Variants in PLXNA2 observed in about 807,000 individuals in gnomAD.
The protein encoded by PLXNA2 is plexin-A2.
Under a neutral mutation model 193.5 loss-of-function variants are expected in PLXNA2, and 91 were observed. The observed-to-expected ratio is 0.47, with a 90% confidence interval of 0.40 to 0.56. PLXNA2 has a LOEUF of 0.56. Ranked by LOEUF, PLXNA2 falls within the 20% of genes least tolerant of loss-of-function variation. PLXNA2 has a pLI of 0.00. For missense variants in PLXNA2, 1,995 were observed against 2,503.2 expected (o/e 0.80, Z 4.33); for synonymous variants, 997 against 1,027.3 (o/e 0.97, Z 0.56).
intron 3 of PLXNA2, among the ~76,000 whole-genome samples, chr1:208,193,916 A>G (rs1329098852): frequency 6.6e-6 from 1 of 152,152 alleles, no homozygotes; most frequent in Non-Finnish European, 1.5e-5. Context: ...TTTTAAATGT[A>G]AAATAAATAA....
At chr1:208,095,921 G>A (rs1666869511) in intron 8 of PLXNA2, 108 bp downstream of exon 8, 1 of 807,352 alleles carries the variant, frequency 1.2e-6, no homozygotes, top group Non-Finnish European at 2.1e-6. Context: ...GGGAAACTGT[G>A]AGGTGACTAC....
At chr1:208,081,098 G>A (rs1212095944) in intron 11 of PLXNA2, among the ~76,000 whole-genome samples, 2 of 152,206 alleles carry the variant, frequency 1.3e-5, no homozygotes, top group Non-Finnish European at 2.9e-5. Context: ...GCAACAGCTC[G>A]GATGTGGCTG....
At chr1:208,165,499 G>A (rs1376879894) in intron 3 of PLXNA2, among the ~76,000 whole-genome samples, 1 of 152,142 alleles carries the variant, frequency 6.6e-6, no homozygotes, top group Non-Finnish European at 1.5e-5. Flanking sequence ...GCTTTCTGAT[G>A]TCCTCTCTAG....
At chr1:208,095,875 A>G (rs1571910118) in intron 8 of PLXNA2, among the ~76,000 whole-genome samples, 154 bp downstream of exon 8, 1 of 152,210 alleles carries the variant, frequency 6.6e-6, no homozygotes, top group Non-Finnish European at 1.5e-5. Context: ...ATTTATGTAC[A>G]GTGTACTCTG....
chr1:208,031,820 T>C (rs1407425874), intron 28 of PLXNA2, 61 bp from the exon 29 acceptor site: 39 of 1,396,250 alleles, frequency 2.8e-5, no homozygotes, highest in Non-Finnish European at 3.7e-5. Flanking sequence ...CAGACAGGCA[T>C]ACCAGATGGT....
In PLXNA2 at chr1:208,103,143, TTACATG is replaced by T; in HGVS notation, c.1605_1607+3del. On this transcript the variant is annotated splice_donor_variant and splice_donor_region_variant and coding_sequence_variant and intron_variant, in exon 5 of 32. Coordinates refer to ENST00000367033, the MANE Select transcript of PLXNA2 (RefSeq NM_025179.4). LOFTEE classifies it high-confidence loss of function. ...AACCCTTTTCCAGTATACCCCAAAC[TTACATG>T]TTGTGCAGGGCACACCAGCCACAGT... 6.2e-7 allele frequency: 1 copy of T among 1,611,278 alleles called. No homozygotes were observed. The highest frequency in any genetic ancestry group is 8.5e-7 in the Non-Finnish European group (1 of 1,177,608).
intron 13 of PLXNA2, among the ~76,000 whole-genome samples, chr1:208,058,922 C>A (rs1665527473): frequency 6.6e-6 from 1 of 152,180 alleles, no homozygotes; most frequent in African/African-American, 2.4e-5. Flanking sequence ...GGAGGCAGGT[C>A]TAAAACACGG....
At chr1:208,144,697 G>C (rs1668555108) in intron 3 of PLXNA2, among the ~76,000 whole-genome samples, 1 of 152,148 alleles carries the variant, frequency 6.6e-6, no homozygotes, top group African/African-American at 2.4e-5. Context: ...ACCCATTCCT[G>C]TGCCTCATCA....
intron 3 of PLXNA2, among the ~76,000 whole-genome samples, chr1:208,188,434 C>T (rs562791375): frequency 3.3e-5 from 5 of 152,280 alleles, no homozygotes; most frequent in South Asian, 2.1e-4. Flanking sequence ...ATAGGCTGGG[C>T]GCAGTGGCTC....
At chr1:208,040,119 T>C in intron 22 of PLXNA2, 61 bp from the exon 23 acceptor site, 1 of 1,389,694 alleles carries the variant, frequency 7.2e-7, no homozygotes, top group Non-Finnish European at 1.0e-6. Flanking sequence ...TGGTGGGGCC[T>C]GGGCTTGCCA....
chr1:208,039,337 C>T (rs994787989), intron 24 of PLXNA2, among the ~76,000 whole-genome samples: 1 of 152,080 alleles, frequency 6.6e-6, no homozygotes, highest in African/African-American at 2.4e-5. Flanking sequence ...ATGTTAGGAA[C>T]CAACATACAT....
chr1:208,206,034 T>C (rs1254877709), intron 3 of PLXNA2, among the ~76,000 whole-genome samples: 1 of 152,226 alleles, frequency 6.6e-6, no homozygotes, highest in Non-Finnish European at 1.5e-5. Context: ...GAGGTGATAA[T>C]AGCACCTACC....
intron 1 of PLXNA2, among the ~76,000 whole-genome samples, chr1:208,220,593 C>A (rs572040693): frequency 6.6e-6 from 1 of 151,050 alleles, no homozygotes; most frequent in South Asian, 2.1e-4. Flanking sequence ...CCACCACACC[C>A]GCCTAATTTT....
intron 3 of PLXNA2, among the ~76,000 whole-genome samples, chr1:208,199,549 G>A (rs1670471693): frequency 6.6e-6 from 1 of 152,052 alleles, no homozygotes. Context: ...AAATTAACTG[G>A]GCGTGGTGGC....
Position 208,244,188 on chromosome 1 carries a change from C to A in PLXNA2, c.-626G>T. On this transcript the variant is annotated 5_prime_UTR_variant, in exon 1 of 32. Coordinates refer to ENST00000367033, the MANE Select transcript of PLXNA2 (RefSeq NM_025179.4). ...CCTACCGCTCCCAAGCTCTCGGGGT[C>A]TCTCTCCGGATCGCTCGCCCTCTCG... 1 of 157,634 alleles carries A rather than the reference C, an allele frequency of 6.3e-6. No individual in the cohort carries two copies. Among genetic ancestry groups the A allele is most frequent in the South Asian group, 1.8e-4 (1 of 5,428 alleles). The allele number at this position is 157,634 out of a possible 1,614,324, so 9.8% of individuals were successfully genotyped here.
intron 6 of PLXNA2, among the ~76,000 whole-genome samples, chr1:208,097,432 ATG>A (rs1308354360): frequency 6.6e-6 from 1 of 152,270 alleles, no homozygotes; most frequent in African/African-American, 2.4e-5. Flanking sequence ...TCTCTGTTCC[ATG>A]TGGGCTCTCT....
chr1:208,130,941 G>A (rs145326327), intron 4 of PLXNA2, among the ~76,000 whole-genome samples: 67 of 152,298 alleles, frequency 4.4e-4, no homozygotes, highest in Middle Eastern at 6.8e-3. Context: ...GGAGTTCAGA[G>A]GCCTTCACTA....
intron 3 of PLXNA2, among the ~76,000 whole-genome samples, chr1:208,194,498 T>C (rs1480181087): frequency 1.4e-5 from 2 of 139,714 alleles, no homozygotes; most frequent in Non-Finnish European, 3.1e-5. Context: ...AAAAAAAACA[T>C]ACATGCAGTA....
intron 3 of PLXNA2, among the ~76,000 whole-genome samples, chr1:208,178,806 G>C (rs1669746476): frequency 6.6e-6 from 1 of 152,224 alleles, no homozygotes. Context: ...TCAGCATTTG[G>C]AAAATACAAA....
Sources: gnomAD v4.1 joint callset for allele counts (sites outside exome capture counted in the v4.1 genomes callset) on GRCh38, gnomAD v4.1.1 for gene constraint, MANE v1.5 for transcripts, NCBI Gene and HGNC (gene_info 2026-07-23, HGNC 2026-07-21) for gene names.